DAB1: variants seen among roughly 807,000 people sequenced by gnomAD.
DAB1 encodes the protein disabled homolog 1.
DAB1 carries 15 observed loss-of-function variants against 64.6 expected under a neutral mutation model. The ratio of observed to expected loss-of-function variants is 0.23; its 90% CI spans 0.16 to 0.36. DAB1 has a LOEUF of 0.36. Among genes scored for constraint, DAB1 ranks in the 10% least tolerant of loss-of-function variants. The pLI is 1.00. For synonymous variants in DAB1, 235 were observed against 251.9 expected (o/e 0.93, Z 0.64); for missense variants, 596 against 706.7 (o/e 0.84, Z 1.78).
At chr1:57,541,059 T>C (rs538158423) in intron 7 of DAB1, among the ~76,000 whole-genome samples, 39 of 152,166 alleles carry the variant, frequency 2.6e-4, no homozygotes, top group Non-Finnish European at 5.3e-4. Flanking sequence ...ACACGTTCTA[T>C]GCATATATCA....
intron 6 of DAB1, among the ~76,000 whole-genome samples, chr1:57,731,414 C>A (rs1647408869): frequency 6.6e-6 from 1 of 151,904 alleles, no homozygotes; most frequent in African/African-American, 2.4e-5. Context: ...GGTCACACAA[C>A]AATGTGAATT....
chr1:58,189,451 C>T (rs1657264614), intron 4 of DAB1, among the ~76,000 whole-genome samples: 1 of 152,180 alleles, frequency 6.6e-6, no homozygotes. Flanking sequence ...CTGTCTAGGA[C>T]AAGTTTCTCA....
chr1:57,187,138 G>T (rs155307), intron 2 of DAB1, among the ~76,000 whole-genome samples: 4,275 of 152,204 alleles, frequency 0.028, 200 homozygotes, highest in African/African-American at 0.096. Flanking sequence ...CATACCTTCT[G>T]TGATTCCCTA....
intron 3 of DAB1, among the ~76,000 whole-genome samples, chr1:58,421,656 G>C (rs1644773267): frequency 6.6e-6 from 1 of 152,144 alleles, no homozygotes; most frequent in Non-Finnish European, 1.5e-5. Flanking sequence ...ACCACACAGA[G>C]AGTTCTGTGA....
chr1:57,549,459 G>C (rs1644891274), intron 7 of DAB1, among the ~76,000 whole-genome samples: 1 of 152,130 alleles, frequency 6.6e-6, no homozygotes, highest in Non-Finnish European at 1.5e-5. Flanking sequence ...TTACTCTCTG[G>C]AACCAGTTTA....
intron 6 of DAB1, among the ~76,000 whole-genome samples, chr1:57,758,288 G>A (rs943859484): frequency 6.6e-6 from 1 of 152,118 alleles, no homozygotes; most frequent in East Asian, 1.9e-4. Context: ...AGAAGAGACT[G>A]AGGCTCAGTG....
chr1:57,636,654 G>A (rs1646060758), intron 7 of DAB1, among the ~76,000 whole-genome samples: 2 of 152,142 alleles, frequency 1.3e-5, no homozygotes, highest in South Asian at 4.1e-4. Flanking sequence ...TGAGATATGG[G>A]GTGTACAAAA....
At chr1:57,822,909 T>G (rs1169103143), downstream of DAB1, among the ~76,000 whole-genome samples, 1 of 152,114 alleles carries the variant, frequency 6.6e-6, no homozygotes, top group Non-Finnish European at 1.5e-5. Context: ...TTGAGTGTAT[T>G]GAGGTACAGG....
chr1:57,723,683 T>C (rs1221197625), intron 6 of DAB1, among the ~76,000 whole-genome samples: 1 of 152,240 alleles, frequency 6.6e-6, no homozygotes, highest in African/African-American at 2.4e-5. Flanking sequence ...GCTTCTCTTA[T>C]CCTTAGTTCC....
intron 2 of DAB1, among the ~76,000 whole-genome samples, chr1:57,260,185 T>C (rs1670077010): frequency 6.6e-6 from 1 of 152,190 alleles, no homozygotes; most frequent in South Asian, 2.1e-4. Context: ...GGCTGTGCTC[T>C]GTGCTTAGAC....
At chr1:57,995,224 G>T (rs554118216) in intron 5 of DAB1, among the ~76,000 whole-genome samples, 4 of 152,154 alleles carry the variant, frequency 2.6e-5, no homozygotes. Context: ...TCAGGTGAGG[G>T]TTACACATGA....
chr1:57,504,507 T>C (rs1310689417), intron 7 of DAB1, among the ~76,000 whole-genome samples: 1 of 152,156 alleles, frequency 6.6e-6, no homozygotes, highest in African/African-American at 2.4e-5. Context: ...ACACAAAGTA[T>C]AAAATAAATA....
chr1:57,128,918 T>G (rs1657389318), intron 4 of DAB1, among the ~76,000 whole-genome samples: 1 of 152,204 alleles, frequency 6.6e-6, no homozygotes, highest in South Asian at 2.1e-4. Context: ...TAGCACCATA[T>G]CATCTGGGGA....
upstream of DAB1, among the ~76,000 whole-genome samples, chr1:57,428,841 CAAAAAAA>C (rs55678877): frequency 4.3e-5 from 3 of 69,626 alleles, no homozygotes; most frequent in Non-Finnish European, 6.4e-5. Context: ...TTGTCTTTTA[CAAAAAAA>C]AAAAAAAAAA....
chr1:57,774,081 A>C (rs2101833889), intron 6 of DAB1, among the ~76,000 whole-genome samples: 3 of 151,944 alleles, frequency 2.0e-5, no homozygotes, highest in Middle Eastern at 6.8e-3. Context: ...ATCATGAGTT[A>C]ATCTGGGGAA....
At position 58,431,489 on chromosome 1, in the gene DAB1, T is replaced by TGGA. The variant is rs1282233926; in HGVS notation, n.257+74568_257+74570dup. 5.6e-5 allele frequency among the ~76,000 whole-genome samples: 7 copies of TGGA among 123,922 alleles called. No individual in the cohort carries two copies. In the Admixed American group the frequency reaches 6.3e-4, roughly 11 times the overall value. 81.3% of individuals were successfully genotyped at this position (123,922 alleles called of 152,430 possible). ...AGGAGAATCGCTTGAACCCGGGAGGTGGAGGTTGCAGTGAGCCGAGATCAC... is the reference window on the plus strand; with the variant it reads ...AGGAGAATCGCTTGAACCCGGGAGGTGGAGGAGGTTGCAGTGAGCCGAGATCAC... On this transcript the variant is annotated intron_variant and non_coding_transcript_variant, in intron 3 of 20. Coordinates refer to the DAB1 transcript ENST00000485760.
intron 7 of DAB1, among the ~76,000 whole-genome samples, chr1:57,622,201 A>G (rs573057871): frequency 2.0e-5 from 3 of 152,344 alleles, no homozygotes; most frequent in East Asian, 3.9e-4. Context: ...CCATTAGAAG[A>G]CAGCTGGCAT....
At chr1:58,231,430 AC>A (rs1412029271) in intron 4 of DAB1, among the ~76,000 whole-genome samples, 1 of 152,226 alleles carries the variant, frequency 6.6e-6, no homozygotes, top group Non-Finnish European at 1.5e-5. Flanking sequence ...AAATGGGCGA[AC>A]CAGATGTTGA....
At chr1:57,741,967 A>G (rs992006446) in intron 6 of DAB1, among the ~76,000 whole-genome samples, 1 of 152,206 alleles carries the variant, frequency 6.6e-6, no homozygotes, top group African/African-American at 2.4e-5. Flanking sequence ...TATGTATTGG[A>G]TCTCCACAGG....
Sources: gnomAD v4.1 joint callset for allele counts (sites outside exome capture counted in the v4.1 genomes callset) on GRCh38, gnomAD v4.1.1 for gene constraint, MANE v1.5 for transcripts, NCBI Gene and HGNC (gene_info 2026-07-23, HGNC 2026-07-21) for gene names.